The following TBC1D22A variants were observed in gnomAD, a reference collection of about 807,000 sequenced individuals.
The protein encoded by TBC1D22A is putative GTPase activator.
A neutral mutation model predicts 60.2 loss-of-function variants in TBC1D22A; 38 were observed. That is an observed-to-expected ratio of 0.63 (90% CI 0.49 to 0.83). The LOEUF (loss-of-function observed/expected upper bound fraction) is 0.83, where lower values mean the gene tolerates loss of function less well. TBC1D22A is among the 40% of genes least tolerant of loss of function. The pLI, the probability that TBC1D22A is intolerant of heterozygous loss-of-function variation, is 0.00. For synonymous variants in TBC1D22A, 302 were observed against 281.7 expected, an observed-to-expected ratio of 1.07 and a Z score of -0.72; for missense variants, 628 against 701.0, an observed-to-expected ratio of 0.90 and a Z score of 1.18.
intron 8 of TBC1D22A, among the ~76,000 whole-genome samples, chr22:46,943,175 G>A (rs1358690910): frequency 6.6e-6 from 1 of 152,050 alleles, no homozygotes; most frequent in Non-Finnish European, 1.5e-5. Flanking sequence ...GAAGGGAGCT[G>A]CCCGCCTCAC....
intron 11 of TBC1D22A, among the ~76,000 whole-genome samples, chr22:47,072,312 T>A (rs2064027726): frequency 6.6e-6 from 1 of 152,208 alleles, no homozygotes; most frequent in African/African-American, 2.4e-5. Context: ...CAGCTTCTCC[T>A]TTGGGGCCAC....
chr22:46,804,258 A>G (rs2085032870), intron 4 of TBC1D22A, among the ~76,000 whole-genome samples: 2 of 152,140 alleles, frequency 1.3e-5, no homozygotes, highest in African/African-American at 4.8e-5. Context: ...AGCTGTGCCT[A>G]TTTCTTTTCT....
chr22:46,944,944 A>C (rs1474310218), intron 8 of TBC1D22A, among the ~76,000 whole-genome samples: 1 of 152,244 alleles, frequency 6.6e-6, no homozygotes, highest in African/African-American at 2.4e-5. Context: ...TAAGATAGAT[A>C]ATTAAATATG....
At chr22:47,131,442 C>T (rs373363917) in intron 12 of TBC1D22A, among the ~76,000 whole-genome samples, 7 of 152,204 alleles carry the variant, frequency 4.6e-5, no homozygotes, top group Non-Finnish European at 8.8e-5. Flanking sequence ...GTTGAGCTGA[C>T]GCTTCTGTGG....
rs182518267 is a variant in TBC1D22A, at chr22:47,032,329, C to T, written c.1202-4742C>T. Among the ~76,000 whole-genome samples the T allele has an allele frequency of 5.5e-4, 84 of 152,332 alleles. No homozygotes were observed. The South Asian group carries it at 6.2e-3, about 11-fold the overall frequency. On this transcript the variant is annotated intron_variant, in intron 10 of 12. Transcript: ENST00000337137. ...CTGCCTTGGTGCTGGTCTCTGTTTC[C>T]GGACAAAGTCCCTGCCCTCGAGGAA...
rs2062798184 is a variant in TBC1D22A at position 47,040,255 on chromosome 22, C to A, written c.1329+3057C>A. On this transcript the variant is annotated intron_variant, in intron 11 of 12. Coordinates refer to ENST00000337137, the MANE Select transcript of TBC1D22A (RefSeq NM_014346.5). ...CCACCACGCCTGGCCGGTGCCCAGA[C>A]TTTTAAACAACCCGATCTCAGGAGA... is the stretch of plus-strand genomic sequence containing the variant. Among the ~76,000 whole-genome samples, 3 of 152,106 alleles carry A rather than the reference C, an allele frequency of 2.0e-5. No homozygotes were observed. The South Asian group carries it at 6.2e-4, about 32-fold the overall frequency.
rs566034092 is a variant in TBC1D22A at position 47,162,402 on chromosome 22, C to G, written c.1426-11096C>G. Among the ~76,000 whole-genome samples, 910 of 152,148 alleles carry G rather than the reference C, an allele frequency of 6.0e-3. 9 individuals carry two copies. Among genetic ancestry groups the G allele is most frequent in the African/African-American group, 0.021 (874 of 41,486 alleles). On this transcript the variant is annotated intron_variant, in intron 12 of 12. Coordinates refer to ENST00000337137, the MANE Select transcript of TBC1D22A (RefSeq NM_014346.5). ...TTGACTGAGGCCCCCGTGGAGTTGC[C>G]ATGGCGTGTGGTGTGAGGGGAGAGA...
At chr22:47,073,287 T>C (rs2064077304) in intron 11 of TBC1D22A, among the ~76,000 whole-genome samples, 1 of 152,222 alleles carries the variant, frequency 6.6e-6, no homozygotes, top group Non-Finnish European at 1.5e-5. Flanking sequence ...CAACTATTGT[T>C]ATTCCAGATA....
intron 12 of TBC1D22A, among the ~76,000 whole-genome samples, chr22:47,136,895 C>A (rs1450382848): frequency 6.6e-6 from 1 of 152,164 alleles, no homozygotes; most frequent in Non-Finnish European, 1.5e-5. Flanking sequence ...GCCCCCAGAC[C>A]TGTCCCGGTG....
chr22:46,940,635 T>C (rs903426878), intron 8 of TBC1D22A, among the ~76,000 whole-genome samples: 1 of 148,618 alleles, frequency 6.7e-6, no homozygotes, highest in African/African-American at 2.5e-5. Flanking sequence ...CACACATATA[T>C]ATGTATATAC....
intron 4 of TBC1D22A, among the ~76,000 whole-genome samples, chr22:46,837,966 C>T (rs913861582): frequency 6.6e-6 from 1 of 152,120 alleles, no homozygotes; most frequent in African/African-American, 2.4e-5. Context: ...GAGGCTGAGG[C>T]AGAGAATTGC....
intron 8 of TBC1D22A, among the ~76,000 whole-genome samples, chr22:46,917,556 A>G (rs576303712): frequency 6.6e-6 from 1 of 152,282 alleles, no homozygotes; most frequent in African/African-American, 2.4e-5. Context: ...TGGAGTAGAA[A>G]GAGCGGGTTG....
intron 12 of TBC1D22A, among the ~76,000 whole-genome samples, chr22:47,131,779 G>A (rs1050782308): frequency 3.3e-5 from 5 of 152,182 alleles, no homozygotes; most frequent in Non-Finnish European, 7.3e-5. Flanking sequence ...TGGCTCTCTC[G>A]CAGAGGCCCC....
chr22:46,974,190 C>G, intron 8 of TBC1D22A, 100 bp from the exon 9 acceptor site: 1 of 927,214 alleles, frequency 1.1e-6, no homozygotes, highest in Non-Finnish European at 1.7e-6. Context: ...GTGGAGGGAG[C>G]TGGATGCAGG....
intron 11 of TBC1D22A, among the ~76,000 whole-genome samples, chr22:47,102,553 T>G (rs755580195): frequency 2.0e-5 from 3 of 152,238 alleles, no homozygotes; most frequent in Non-Finnish European, 4.4e-5. Context: ...ATAGATGATA[T>G]GAGTTTTTTA....
At chr22:46,776,946 G>C (rs1157448794) in intron 1 of TBC1D22A, among the ~76,000 whole-genome samples, 1 of 152,048 alleles carries the variant, frequency 6.6e-6, no homozygotes, top group East Asian at 1.9e-4. Flanking sequence ...CCTCTGATGG[G>C]CACAGGACGA....
intron 5 of TBC1D22A, among the ~76,000 whole-genome samples, chr22:46,887,879 C>G (rs912159535): frequency 1.1e-4 from 17 of 152,042 alleles, no homozygotes; most frequent in Admixed American, 2.6e-4. Context: ...ATGAGTGTGC[C>G]TGAGTGTAAT....
chr22:46,793,961 G>A, intron 3 of TBC1D22A, 120 bp downstream of exon 3: 1 of 924,674 alleles, frequency 1.1e-6, no homozygotes, highest in Non-Finnish European at 1.6e-6. Context: ...AGGCCCCCTG[G>A]CCCACGAGAG....
At chr22:47,030,243 G>T (rs535332678) in intron 10 of TBC1D22A, among the ~76,000 whole-genome samples, 1 of 152,178 alleles carries the variant, frequency 6.6e-6, no homozygotes, top group Non-Finnish European at 1.5e-5. Context: ...TTGTGCGGGG[G>T]GTTGAAAGGT....
Sources: allele counts gnomAD v4.1 joint callset (sites outside exome capture counted in the v4.1 genomes callset), GRCh38; gene constraint gnomAD v4.1.1; transcripts MANE v1.5; gene names NCBI Gene and HGNC (gene_info 2026-07-23, HGNC 2026-07-21).